Variants in INPP4B observed in about 807,000 individuals in gnomAD.
The protein encoded by INPP4B is inositol polyphosphate-4-phosphatase type II B, also known as inositol polyphosphate 4-phosphatase type II.
Under a neutral mutation model 122.5 loss-of-function variants are expected in INPP4B, and 55 were observed. The ratio of observed to expected loss-of-function variants is 0.45; its 90% CI spans 0.36 to 0.56. INPP4B has a LOEUF of 0.56. Among genes scored for constraint, INPP4B ranks in the 20% least tolerant of loss-of-function variants. The pLI is 0.00. For synonymous variants in INPP4B, 403 were observed against 388.7 expected (o/e 1.04, Z -0.43); for missense variants, 1,000 against 1,097.7 (o/e 0.91, Z 1.26).
At chr4:142,632,566 G>A (rs566694795) in intron 2 of INPP4B, among the ~76,000 whole-genome samples, 2 of 151,252 alleles carry the variant, frequency 1.3e-5, no homozygotes, top group African/African-American at 4.8e-5. Context: ...AAAATAAAGA[G>A]CAATAAAAAT....
At chr4:142,192,056 C>A (rs1175874838) in intron 15 of INPP4B, among the ~76,000 whole-genome samples, 1 of 151,686 alleles carries the variant, frequency 6.6e-6, no homozygotes, top group Non-Finnish European at 1.5e-5. Context: ...TTTTGGCACT[C>A]AAACAGGTTT....
chr4:142,060,758 C>T (rs1760220717), intron 25 of INPP4B, among the ~76,000 whole-genome samples: 1 of 152,132 alleles, frequency 6.6e-6, no homozygotes, highest in African/African-American at 2.4e-5. Flanking sequence ...GCCAAGGGGT[C>T]TCAGGCATTA....
chr4:142,372,743 T>C (rs1216627528), intron 7 of INPP4B, among the ~76,000 whole-genome samples: 6 of 152,008 alleles, frequency 3.9e-5, no homozygotes, highest in African/African-American at 7.2e-5. Context: ...AAAAGTAAGA[T>C]TGACGGCATC....
intron 3 of INPP4B, among the ~76,000 whole-genome samples, chr4:142,456,668 A>G (rs1815491609): frequency 1.3e-5 from 2 of 152,148 alleles, no homozygotes; most frequent in Non-Finnish European, 2.9e-5. Flanking sequence ...GCTATAATCT[A>G]TAAACATTGA....
At chr4:142,320,295 A>G (rs1234101636) in intron 7 of INPP4B, among the ~76,000 whole-genome samples, 1 of 152,170 alleles carries the variant, frequency 6.6e-6, no homozygotes, top group Non-Finnish European at 1.5e-5. Context: ...CAACTAGGCT[A>G]TATAATATGA....
At chr4:142,318,875 A>G (rs1768901814) in intron 7 of INPP4B, among the ~76,000 whole-genome samples, 1 of 152,194 alleles carries the variant, frequency 6.6e-6, no homozygotes, top group African/African-American at 2.4e-5. Context: ...ATTGTTCCCA[A>G]CAAGAGGCTG....
intron 2 of INPP4B, among the ~76,000 whole-genome samples, chr4:142,484,853 AG>A (rs1390699622): frequency 3.3e-5 from 5 of 152,062 alleles, no homozygotes; most frequent in Non-Finnish European, 4.4e-5. Context: ...CCTCAGAAAA[AG>A]GTCTACTTTG....
At chr4:142,643,450 G>C (rs1306224789) in intron 2 of INPP4B, among the ~76,000 whole-genome samples, 2 of 152,132 alleles carry the variant, frequency 1.3e-5, no homozygotes, top group African/African-American at 4.8e-5. Context: ...TTACATTTAA[G>C]GAGGGGAGCA....
chr4:142,284,196 C>T (rs1426489354), intron 9 of INPP4B, among the ~76,000 whole-genome samples: 1 of 152,168 alleles, frequency 6.6e-6, no homozygotes, highest in African/African-American at 2.4e-5. Flanking sequence ...TACTCTGGTT[C>T]TGCTATAAAG....
intron 14 of INPP4B, among the ~76,000 whole-genome samples, chr4:142,194,905 T>TCTA (rs1271350831): frequency 6.6e-5 from 10 of 152,200 alleles, no homozygotes; most frequent in Non-Finnish European, 1.3e-4. Context: ...AATAAAGGTG[T>TCTA]CTATATCCCC....
intron 2 of INPP4B, among the ~76,000 whole-genome samples, chr4:142,650,817 C>A (rs531381783): frequency 2.0e-5 from 3 of 152,272 alleles, no homozygotes; most frequent in African/African-American, 7.2e-5. Flanking sequence ...ATCAACGAGA[C>A]AGAAGGTTAA....
At chr4:142,665,917 G>C (rs1199900560) in intron 2 of INPP4B, among the ~76,000 whole-genome samples, 1 of 152,102 alleles carries the variant, frequency 6.6e-6, no homozygotes, top group Non-Finnish European at 1.5e-5. Flanking sequence ...AGGTATACAT[G>C]CTTATGATAA....
At chr4:142,442,545 T>C (rs1203681953) in intron 3 of INPP4B, among the ~76,000 whole-genome samples, 1 of 151,772 alleles carries the variant, frequency 6.6e-6, no homozygotes, top group Non-Finnish European at 1.5e-5. Context: ...TAGGAAAATA[T>C]ATTTGTCACA....
chr4:142,819,760 T>A (rs1174554197), intron 1 of INPP4B, among the ~76,000 whole-genome samples: 1 of 152,016 alleles, frequency 6.6e-6, no homozygotes, highest in Non-Finnish European at 1.5e-5. Flanking sequence ...GGGGGCCACC[T>A]CACCAGGGAA....
intron 17 of INPP4B, among the ~76,000 whole-genome samples, chr4:142,154,209 TA>T (rs556335414): frequency 6.8e-4 from 96 of 141,798 alleles, no homozygotes; most frequent in Admixed American, 7.1e-4. Flanking sequence ...GACTTAGGGA[TA>T]AAAAAAAAAA....
intron 7 of INPP4B, among the ~76,000 whole-genome samples, chr4:142,349,554 A>T (rs2255497): frequency 0.32 from 48,404 of 151,930 alleles, 8,765 homozygotes; most frequent in South Asian, 0.45. Flanking sequence ...TTTCTTGCAA[A>T]GGTGAAGAAT....
intron 25 of INPP4B, among the ~76,000 whole-genome samples, chr4:142,053,670 T>C (rs191975950): frequency 2.6e-5 from 4 of 152,074 alleles, no homozygotes; most frequent in Non-Finnish European, 5.9e-5. Flanking sequence ...CTCCCAATTT[T>C]TCTCCAAGAA....
At chr4:142,373,375 T>C (rs1442613093) in intron 7 of INPP4B, among the ~76,000 whole-genome samples, 2 of 152,036 alleles carry the variant, frequency 1.3e-5, no homozygotes, top group South Asian at 2.1e-4. Flanking sequence ...ACTTAAAATA[T>C]ATAATTAAAA....
intron 12 of INPP4B, among the ~76,000 whole-genome samples, chr4:142,225,329 C>G (rs927827856): frequency 6.6e-6 from 1 of 152,098 alleles, no homozygotes; most frequent in Non-Finnish European, 1.5e-5. Context: ...GCACTATTAT[C>G]TCTCCTACTT....
Sources: allele counts gnomAD v4.1 joint callset (sites outside exome capture counted in the v4.1 genomes callset), GRCh38; gene constraint gnomAD v4.1.1; transcripts MANE v1.5; gene names NCBI Gene and HGNC (gene_info 2026-07-23, HGNC 2026-07-21).